Variants in STX1A observed in about 807,000 individuals in gnomAD.
STX1A encodes the protein syntaxin-1A.
In STX1A, 4 loss-of-function variants were observed where a neutral mutation model predicts 37.8. That is an observed-to-expected ratio of 0.11 (90% confidence interval 0.05 to 0.24). STX1A has a LOEUF of 0.24. STX1A is among the 10% of genes least tolerant of loss of function. STX1A has a pLI of 1.00. For synonymous variants in STX1A, 135 were observed against 147.4 expected, an observed-to-expected ratio of 0.92 and a Z score of 0.61; for missense variants, 251 against 399.9, an observed-to-expected ratio of 0.63 and a Z score of 3.18.
chr7:73,705,410 T>C lies in STX1A; in HGVS notation c.209-186A>G. On this transcript the variant is annotated intron_variant, in intron 3 of 9. Transcript: ENST00000222812. This position sits in a 1 kb window ranked among gnomAD's most constrained non-coding sequence, Gnocchi z 5.2. Reference sequence around the variant, plus strand: ...AATTCTGGGCCAGGGCTGCACCAGCTGCAGCTTCACCCCCTCTTGTGCTGT... The same window carrying C: ...AATTCTGGGCCAGGGCTGCACCAGCCGCAGCTTCACCCCCTCTTGTGCTGT... 1 of 590,342 alleles carries C rather than the reference T, an allele frequency of 1.7e-6. No homozygotes were observed. Among genetic ancestry groups the C allele is most frequent in the Non-Finnish European group, 3.0e-6 (1 of 331,594 alleles). 36.6% of individuals were successfully genotyped at this position (590,342 alleles called of 1,614,324 possible). A position where few individuals can be genotyped will look rare whatever the true frequency, so the allele number is the denominator to read the frequency against.
At chr7:73,703,540 G>A in intron 7 of STX1A, 1 of 712,020 alleles carries the variant, frequency 1.4e-6, no homozygotes, top group East Asian at 2.7e-5. Context: ...GTCCAACTGG[G>A]AGGCATCAGG....
chr7:73,708,459 C>T (rs955593894), intron 3 of STX1A, 130 bp downstream of exon 3: 6 of 857,534 alleles, frequency 7.0e-6, no homozygotes, highest in Non-Finnish European at 1.1e-5. Flanking sequence ...CCCTCCCGAC[C>T]CTGGCCCGCC....
At chr7:73,715,123 T>TAAA (rs782623557) in intron 1 of STX1A, among the ~76,000 whole-genome samples, 1 of 124,798 alleles carries the variant, frequency 8.0e-6, no homozygotes. Context: ...AGACTCCGTC[T>TAAA]AAAAAAAAAA....
rs781887178 is a variant in STX1A, at chr7:73,705,128, C to G, written c.283+22G>C. On this transcript the variant is annotated intron_variant, in intron 4 of 9. Transcript: ENST00000222812. The surrounding 1 kb of genome is among the most constrained non-coding windows in gnomAD (Gnocchi z 5.2). ...GCAGGCCTAGAATGCCCCCCACCCA[C>G]CCCCAGACAAGCCTGACTCACTCTT... The G allele has an allele frequency of 1.9e-6, 3 of 1,611,956 alleles. No homozygotes were observed. The Admixed American group carries it at 5.0e-5, about 27-fold the overall frequency.
In STX1A at chr7:73,700,455, C is replaced by T. The variant is rs782012819; in HGVS notation, c.819G>A (p.Val273=). Residue 273 remains valine, a synonymous_variant, in exon 10 of 10, where the codon GTG becomes GTA. Transcript: ENST00000222812. The surrounding 1 kb of genome is among the most constrained non-coding windows in gnomAD (Gnocchi z 4.4). ...TGGAGGCGATGACGATGCCCAGGAT[C>T]ACACAGCAGATGATGATCATGATTT... is the stretch of plus-strand genomic sequence containing the variant. ...RKKIMIIICC[V]ILGIVIASTV... 6.2e-7 allele frequency: 1 copy of T among 1,614,074 alleles called. No individual in the cohort carries two copies. The highest frequency in any genetic ancestry group is 8.5e-7 in the Non-Finnish European group (1 of 1,180,014).
rs1798593155 is a variant in STX1A, at chr7:73,700,154, G to A, written c.*253C>T. On this transcript the variant is annotated 3_prime_UTR_variant, in exon 10 of 10. Coordinates refer to ENST00000222812, the MANE Select transcript of STX1A (RefSeq NM_004603.4). This position sits in a 1 kb window ranked among gnomAD's most constrained non-coding sequence, Gnocchi z 4.4. ...GCGGCCCTGCCTGGGTCTGCTCCTC[G>A]CTGTGCACACTGCATCACGCCCCGC... 1.4e-5 allele frequency: 8 copies of A among 573,026 alleles called. No individual in the cohort carries two copies. Among genetic ancestry groups the A allele is most frequent in the East Asian group, 2.9e-5 (1 of 33,954 alleles). The allele number at this position is 573,026 out of a possible 1,614,324, so 35.5% of individuals were successfully genotyped here.
chr7:73,706,128 C>T lies in STX1A; in HGVS notation c.209-904G>A, dbSNP rs1798862534. On this transcript the variant is annotated intron_variant, in intron 3 of 9. Transcript: ENST00000222812. The surrounding 1 kb of genome is among the most constrained non-coding windows in gnomAD (Gnocchi z 4.6). ...TGAGCTCTGGCTATCACCTTCCCAC[C>T]TGCCCCTCTGCTTGCCCCTGGGGCT... Among the ~76,000 whole-genome samples, 1 of 152,102 alleles carries T rather than the reference C, an allele frequency of 6.6e-6. No homozygotes were observed. The highest frequency in any genetic ancestry group is 1.5e-5 in the Non-Finnish European group (1 of 68,020).
intron 1 of STX1A, among the ~76,000 whole-genome samples, chr7:73,713,313 T>C (rs1554618192): frequency 6.6e-6 from 1 of 152,172 alleles, no homozygotes; most frequent in African/African-American, 2.4e-5. Flanking sequence ...AGAGCCCCAC[T>C]GCCACCCTCA....
intron 1 of STX1A, among the ~76,000 whole-genome samples, chr7:73,714,825 A>G (rs1337418970): frequency 3.3e-5 from 5 of 151,342 alleles, no homozygotes; most frequent in Admixed American, 3.3e-4. Context: ...AAAGAGACTG[A>G]ATCAGAATTT....
intron 1 of STX1A, among the ~76,000 whole-genome samples, chr7:73,712,988 T>C (rs1554618172): frequency 6.6e-6 from 1 of 152,166 alleles, no homozygotes; most frequent in East Asian, 1.9e-4. Context: ...CCTCTAGTAA[T>C]ACAGCCAGGA....
At chr7:73,712,476 C>G (rs933604695) in intron 1 of STX1A, among the ~76,000 whole-genome samples, 1 of 152,040 alleles carries the variant, frequency 6.6e-6, no homozygotes, top group East Asian at 1.9e-4. Flanking sequence ...CCCTGCCCCC[C>G]CAAATCAGTA....
intron 1 of STX1A, among the ~76,000 whole-genome samples, chr7:73,715,623 A>G (rs1220880993): frequency 2.6e-5 from 4 of 152,072 alleles, no homozygotes; most frequent in African/African-American, 4.8e-5. Context: ...GGATTCCAGG[A>G]CACCTTCCTG....
chr7:73,713,623 A>G (rs1799181693), intron 1 of STX1A, among the ~76,000 whole-genome samples: 1 of 152,204 alleles, frequency 6.6e-6, no homozygotes, highest in Admixed American at 6.5e-5. Context: ...GCAGCTACTC[A>G]GGAGGCTGAG....
chr7:73,719,259 G>A (rs1276922318), intron 1 of STX1A, among the ~76,000 whole-genome samples: 1 of 152,102 alleles, frequency 6.6e-6, no homozygotes, highest in African/African-American at 2.4e-5. Flanking sequence ...CCAGAGAAAG[G>A]GCCTGCTCTG....
intron 7 of STX1A, among the ~76,000 whole-genome samples, chr7:73,703,212 C>T (rs1409674557): frequency 6.6e-6 from 1 of 152,222 alleles, no homozygotes; most frequent in South Asian, 2.1e-4. Flanking sequence ...GTGACACTTT[C>T]CACCTGTGCT....
chr7:73,700,177 C>T lies in STX1A; in HGVS notation c.*230G>A, dbSNP rs909497281. ...TCGCTGTGCACACTGCATCACGCCC[C>T]GCTGGCTGCCTCCCTCTGCCTCTTC... is the stretch of plus-strand genomic sequence containing the variant. On this transcript the variant is annotated 3_prime_UTR_variant, in exon 10 of 10. Transcript: ENST00000222812. The surrounding 1 kb of genome is among the most constrained non-coding windows in gnomAD (Gnocchi z 4.4). The T allele has an allele frequency of 2.0e-5, 12 of 598,732 alleles. No homozygotes were observed. Among genetic ancestry groups the T allele is most frequent in the African/African-American group, 9.3e-5 (5 of 53,850 alleles). 37.1% of individuals were successfully genotyped at this position (598,732 alleles called of 1,614,324 possible).
rs781939626 is a variant in STX1A, at chr7:73,705,194, G to A, written c.239C>T (p.Ser80Phe). ...TTTGTTTGCTGTCTTCTTTATGTCG[G>A]ACATGAGTTCTTCCAGCTCCTCCTT... ...KTKEELEELM[S>F]DIKKTANKVR... The change falls in exon 4 of 10, where the codon TCC becomes TTC. Residue 80 changes from serine to phenylalanine, a missense_variant. Coordinates refer to ENST00000222812, the MANE Select transcript of STX1A (RefSeq NM_004603.4). The surrounding 1 kb of genome is among the most constrained non-coding windows in gnomAD (Gnocchi z 5.2). 59 of 1,613,992 alleles carry A rather than the reference G, an allele frequency of 3.7e-5. 1 individual carries two copies. In the South Asian group the frequency reaches 6.0e-4, roughly 17 times the overall value.
In STX1A at chr7:73,706,131, C is replaced by T. The variant is rs4717102; in HGVS notation, c.209-907G>A. Among the ~76,000 whole-genome samples, 5,249 of 152,140 alleles carry T rather than the reference C, an allele frequency of 0.035. 622 individuals are homozygous for T. The East Asian group carries it at 0.41, about 12-fold the overall frequency. On this transcript the variant is annotated intron_variant, in intron 3 of 9. Transcript: ENST00000222812. This position sits in a 1 kb window ranked among gnomAD's most constrained non-coding sequence, Gnocchi z 4.6. The stretch of plus-strand genomic sequence containing the variant: ...GCTCTGGCTATCACCTTCCCACCTG[C>T]CCCTCTGCTTGCCCCTGGGGCTGGG...
intron 1 of STX1A, among the ~76,000 whole-genome samples, chr7:73,718,807 C>G (rs1012483598): frequency 6.6e-6 from 1 of 152,056 alleles, no homozygotes; most frequent in Non-Finnish European, 1.5e-5. Flanking sequence ...CCTACTCCCC[C>G]CAAACCCCGC....
Sources: allele counts gnomAD v4.1 joint callset (sites outside exome capture counted in the v4.1 genomes callset), GRCh38; gene constraint gnomAD v4.1.1; non-coding constraint Gnocchi (gnomAD v3.1); transcripts MANE v1.5; gene names NCBI Gene and HGNC (gene_info 2026-07-23, HGNC 2026-07-21).